Variants in ATOSA observed in about 807,000 individuals in gnomAD.
The protein encoded by ATOSA is atos homolog protein A.
At chr15:52,656,246 A>G in the ATOSA span, 1 of 152,144 alleles carries the variant, frequency 6.6e-6, no homozygotes, top group Non-Finnish European at 1.5e-5. Flanking sequence ...TGTGGAAAAT[A>G]CAGAAATTTA....
chr15:52,648,235 A>C, the ATOSA span, among the ~76,000 whole-genome samples: 1 of 152,144 alleles, frequency 6.6e-6, no homozygotes, highest in East Asian at 1.9e-4. Flanking sequence ...CATGATACCG[A>C]GGGGGATACT....
chr15:52,650,930 G>A, the ATOSA span, among the ~76,000 whole-genome samples: 1 of 152,150 alleles, frequency 6.6e-6, no homozygotes, highest in Non-Finnish European at 1.5e-5. Flanking sequence ...TAATTTCACA[G>A]TATTTGAGAA....
the ATOSA span, among the ~76,000 whole-genome samples, chr15:52,706,013 T>C: frequency 9.2e-5 from 14 of 152,186 alleles, 3 homozygotes; most frequent in Admixed American, 8.5e-4. Flanking sequence ...AGTTTTTCAA[T>C]ATTACATATT....
the ATOSA span, among the ~76,000 whole-genome samples, chr15:52,594,871 A>G: frequency 6.6e-4 from 101 of 152,260 alleles, no homozygotes; most frequent in African/African-American, 2.3e-3. Flanking sequence ...GCCTTATAGT[A>G]TCACCTACCA....
chr15:52,660,795 G>A, the ATOSA span, among the ~76,000 whole-genome samples: 1 of 152,032 alleles, frequency 6.6e-6, no homozygotes, highest in Non-Finnish European at 1.5e-5. Context: ...GGGATTACAA[G>A]CATGGGCCAC....
At chr15:52,607,755 C>T in the ATOSA span, among the ~76,000 whole-genome samples, 3 of 152,052 alleles carry the variant, frequency 2.0e-5, no homozygotes, top group Admixed American at 1.3e-4. Flanking sequence ...TATAACTGAA[C>T]GTTATATACA....
chr15:52,590,531 T>C, the ATOSA span: 2 of 152,250 alleles, frequency 1.3e-5, no homozygotes, highest in Admixed American at 6.5e-5. Flanking sequence ...TTGTGAGTCA[T>C]TTGTATAATC....
the ATOSA span, among the ~76,000 whole-genome samples, chr15:52,618,677 T>TTTC: frequency 1.0e-3 from 158 of 152,134 alleles, no homozygotes; most frequent in African/African-American, 3.6e-3. Flanking sequence ...AAAAAAGTAT[T>TTTC]TTCTTCTTCT....
the ATOSA span, chr15:52,656,016 C>A: frequency 6.6e-6 from 1 of 150,846 alleles, no homozygotes; most frequent in African/African-American, 2.4e-5. Flanking sequence ...TGCATACATA[C>A]ACACACACAC....
the ATOSA span, among the ~76,000 whole-genome samples, chr15:52,629,256 T>C: frequency 1.3e-5 from 2 of 152,172 alleles, no homozygotes; most frequent in African/African-American, 2.4e-5. Context: ...GTAGAGATTA[T>C]ACCCCCTCCC....
the ATOSA span, chr15:52,652,111 G>A: frequency 4.3e-6 from 6 of 1,382,138 alleles, no homozygotes; most frequent in South Asian, 8.8e-5. Flanking sequence ...TGGACAGAGG[G>A]TGTGCTCAAC....
the ATOSA span, among the ~76,000 whole-genome samples, chr15:52,631,441 A>G: frequency 1.3e-5 from 2 of 152,192 alleles, no homozygotes; most frequent in African/African-American, 4.8e-5. Context: ...TGAGTTGATG[A>G]AAATATTAAG....
chr15:52,702,199 G>T, the ATOSA span, among the ~76,000 whole-genome samples: 1 of 152,126 alleles, frequency 6.6e-6, no homozygotes, highest in Non-Finnish European at 1.5e-5. Context: ...ACTGTGGAAA[G>T]CACTTTGGAG....
the ATOSA span, among the ~76,000 whole-genome samples, chr15:52,702,621 G>A: frequency 6.6e-6 from 1 of 151,980 alleles, no homozygotes; most frequent in Non-Finnish European, 1.5e-5. Flanking sequence ...CAGGGAGGGA[G>A]GAGGACAAGA....
the ATOSA span, among the ~76,000 whole-genome samples, chr15:52,617,107 GC>G: frequency 6.6e-6 from 1 of 152,182 alleles, no homozygotes. Flanking sequence ...ATATGTTGAA[GC>G]CTTAACTGGC....
chr15:52,675,687 T>C, the ATOSA span, among the ~76,000 whole-genome samples: 1 of 152,134 alleles, frequency 6.6e-6, no homozygotes, highest in African/African-American at 2.4e-5. Flanking sequence ...GGCGGGCGGA[T>C]CACGAGCTCA....
chr15:52,619,290 T>C, the ATOSA span, among the ~76,000 whole-genome samples: 1 of 152,208 alleles, frequency 6.6e-6, no homozygotes, highest in South Asian at 2.1e-4. Context: ...AGTTACATCA[T>C]TAAAATTTTT....
the ATOSA span, among the ~76,000 whole-genome samples, chr15:52,627,772 C>T: frequency 3.3e-5 from 5 of 151,944 alleles, no homozygotes; most frequent in African/African-American, 1.2e-4. Flanking sequence ...GTTGTTAACA[C>T]ACACAGGACT....
chr15:52,687,997 C>T, the ATOSA span, among the ~76,000 whole-genome samples: 24 of 152,340 alleles, frequency 1.6e-4, no homozygotes, highest in African/African-American at 5.5e-4. Context: ...CTAGGCTAAC[C>T]TGCTGTTCCC....
Sources: allele counts gnomAD v4.1 joint callset (sites outside exome capture counted in the v4.1 genomes callset), GRCh38; gene constraint gnomAD v4.1.1; transcripts MANE v1.5; gene names NCBI Gene and HGNC (gene_info 2026-07-23, HGNC 2026-07-21).